Variants in MTUS1 observed in about 807,000 individuals in gnomAD.
MTUS1 encodes the protein microtubule-associated tumor suppressor 1.
MTUS1 carries 109 observed loss-of-function variants against 120.8 expected under a neutral mutation model. The observed-to-expected ratio is 0.90, with a 90% CI of 0.77 to 1.06. The LOEUF is 1.06. Among genes scored for constraint, MTUS1 ranks in the 50% least tolerant of loss-of-function variants. The probability of loss-of-function intolerance (pLI) is 0.00; values close to 1 mark genes in which losing one functional copy is unlikely to be tolerated. For synonymous variants in MTUS1, 737 were observed against 550.5 expected, an observed-to-expected ratio of 1.34 and a Z score of -4.74; for missense variants, 2,210 against 1,486.3, an observed-to-expected ratio of 1.49 and a Z score of -8.01.
Position 17,715,795 on chromosome 8 carries a change from A to C in MTUS1, c.2556T>G (p.His852Gln). ...FYLKPLVSRA[H>Q]VHLMKTPPKG... ...TTGGAGGAGTTTTCATCAAGTGAAC[A>C]TGAGCCCTGGATACCAAAGGCTTCA... Residue 852 changes from histidine to glutamine, a missense_variant, in exon 5 of 15, where the codon CAT becomes CAG. His to Gln is a conservative substitution (Grantham distance 24). Coordinates refer to ENST00000693296, the MANE Select transcript of MTUS1 (RefSeq NM_001363059.2). 4 of 1,613,810 alleles carry C rather than the reference A, an allele frequency of 2.5e-6. No individual in the cohort carries two copies. The highest frequency in any genetic ancestry group is 3.4e-6 in the Non-Finnish European group (4 of 1,179,940).
At chr8:17,681,367 G>C (rs575579463) in intron 7 of MTUS1, among the ~76,000 whole-genome samples, 2 of 152,186 alleles carry the variant, frequency 1.3e-5, no homozygotes, top group Non-Finnish European at 1.5e-5. Context: ...GTAATGATAC[G>C]TGAACAATGG....
chr8:17,664,577 T>G (rs1810485991), intron 8 of MTUS1, among the ~76,000 whole-genome samples: 1 of 151,320 alleles, frequency 6.6e-6, no homozygotes, highest in African/African-American at 2.4e-5. Flanking sequence ...CCTCCTCCTC[T>G]CAGTTCTGGG....
intron 6 of MTUS1, chr8:17,697,702 C>CGAGATGGTA: frequency 9.9e-7 from 1 of 1,009,834 alleles, no homozygotes; most frequent in Non-Finnish European, 1.2e-6. Flanking sequence ...GGTTTTCATC[C>CGAGATGGTA]GAGATGGTAA....
At chr8:17,687,780 C>T (rs1350126759) in intron 6 of MTUS1, among the ~76,000 whole-genome samples, 1 of 152,126 alleles carries the variant, frequency 6.6e-6, no homozygotes, top group Non-Finnish European at 1.5e-5. Flanking sequence ...GCTGGATGAC[C>T]CTGTTGGCTA....
intron 1 of MTUS1, among the ~76,000 whole-genome samples, chr8:17,791,519 C>G (rs1203187333): frequency 6.6e-6 from 1 of 152,146 alleles, no homozygotes; most frequent in Non-Finnish European, 1.5e-5. Flanking sequence ...AATGTGCTGA[C>G]TGATAGCAAA....
Position 17,754,302 on chromosome 8 carries a change from G to A in MTUS1, c.1506C>T (p.Tyr502=), listed in dbSNP as rs746162403. The A allele has an allele frequency of 3.1e-6, 5 of 1,613,872 alleles. No individual in the cohort carries two copies. In the African/African-American group the frequency reaches 6.7e-5, roughly 22 times the overall value. The change falls in exon 2 of 15, where the codon TAC becomes TAT. Residue 502 remains tyrosine, a synonymous_variant. Transcript: ENST00000693296. ...TGACATTCTTGAAGTTTGGTCTTGG[G>A]TAACTTATAATTTCAGTTTTTCTAA... The part of the protein sequence containing the change: ...CKVRKTEIIS[Y]PRPNFKNVKA...
intron 3 of MTUS1, among the ~76,000 whole-genome samples, chr8:17,730,706 G>C (rs949196776): frequency 1.3e-5 from 2 of 152,176 alleles, no homozygotes; most frequent in African/African-American, 4.8e-5. Flanking sequence ...TGAGGACACG[G>C]TGCTAAGTGA....
chr8:17,682,235 G>T (rs952048424), intron 7 of MTUS1, among the ~76,000 whole-genome samples: 16 of 152,204 alleles, frequency 1.1e-4, no homozygotes, highest in Admixed American at 2.0e-4. Flanking sequence ...GCTATCACAG[G>T]TTGGGCGCAG....
At chr8:17,765,718 A>AC (rs1554531772) in intron 1 of MTUS1, among the ~76,000 whole-genome samples, 5 of 146,738 alleles carry the variant, frequency 3.4e-5, no homozygotes, top group South Asian at 2.2e-4. Flanking sequence ...ACACACACAC[A>AC]AATGCACACA....
intron 2 of MTUS1, among the ~76,000 whole-genome samples, chr8:17,747,391 T>C (rs2047846929): frequency 6.6e-6 from 1 of 152,078 alleles, no homozygotes; most frequent in South Asian, 2.1e-4. Context: ...TTGTTCCCCC[T>C]CCTGCAGCAC....
chr8:17,674,988 C>A, intron 8 of MTUS1, 198 bp downstream of exon 8: 1 of 1,399,584 alleles, frequency 7.1e-7, no homozygotes. Context: ...CAGATCAGTG[C>A]CAGGAATTCT....
intron 6 of MTUS1, among the ~76,000 whole-genome samples, chr8:17,711,710 A>AATTAT (rs1821337451): frequency 6.6e-6 from 1 of 152,184 alleles, no homozygotes; most frequent in Non-Finnish European, 1.5e-5. Flanking sequence ...GGCACAAGAG[A>AATTAT]CCTGGCTTCT....
intron 13 of MTUS1, chr8:17,647,371 C>T: frequency 3.7e-6 from 1 of 268,846 alleles, no homozygotes; most frequent in African/African-American, 2.2e-5. Flanking sequence ...ATTGGTGCCT[C>T]TTTCTGTTTC....
chr8:17,779,459 T>C (rs927313461), intron 1 of MTUS1, among the ~76,000 whole-genome samples: 1 of 152,230 alleles, frequency 6.6e-6, no homozygotes, highest in Non-Finnish European at 1.5e-5. Context: ...CTAAAACCCA[T>C]GTTCTGGTGT....
At chr8:17,674,072 G>C (rs1812566169) in intron 8 of MTUS1, among the ~76,000 whole-genome samples, 1 of 152,154 alleles carries the variant, frequency 6.6e-6, no homozygotes, top group Non-Finnish European at 1.5e-5. Context: ...TGATTCTCTA[G>C]GTTGAGGAGC....
chr8:17,656,153 C>A (rs1233252866), intron 8 of MTUS1, 88 bp from the exon 9 acceptor site: 2 of 1,147,516 alleles, frequency 1.7e-6, no homozygotes, highest in Admixed American at 3.7e-5. Flanking sequence ...GCTGTGATGA[C>A]ACCTGAAGCA....
chr8:17,737,366 G>T (rs1263959543), intron 3 of MTUS1, among the ~76,000 whole-genome samples: 1 of 152,218 alleles, frequency 6.6e-6, no homozygotes, highest in Non-Finnish European at 1.5e-5. Context: ...GCGCACACAG[G>T]CACTCAAAAC....
chr8:17,723,460 T>G (rs1461800026), intron 4 of MTUS1: 1 of 612,856 alleles, frequency 1.6e-6, no homozygotes, highest in East Asian at 2.9e-5. Context: ...TTCGAATCCT[T>G]CATGCAAAAA....
chr8:17,763,096 A>C (rs1424488101), intron 1 of MTUS1, among the ~76,000 whole-genome samples: 1 of 151,924 alleles, frequency 6.6e-6, no homozygotes, highest in Non-Finnish European at 1.5e-5. Context: ...TGTTCAAACA[A>C]TTCTCTGCCT....
Sources: allele counts gnomAD v4.1 joint callset (sites outside exome capture counted in the v4.1 genomes callset), GRCh38; gene constraint gnomAD v4.1.1; transcripts MANE v1.5; gene names NCBI Gene and HGNC (gene_info 2026-07-23, HGNC 2026-07-21).